Variants in CSMD1 observed in about 807,000 individuals in gnomAD.
The protein encoded by CSMD1 is CUB and Sushi multiple domains 1.
CSMD1 carries 213 observed loss-of-function variants against 417.5 expected under a neutral mutation model. That is an observed-to-expected ratio of 0.51 (90% CI 0.46 to 0.57). The LOEUF (loss-of-function observed/expected upper bound fraction) is 0.57. Among genes scored for constraint, CSMD1 ranks in the 20% least tolerant of loss-of-function variants. CSMD1 has a pLI of 0.00. For missense variants in CSMD1, 6,923 were observed against 4,529.7 expected, an observed-to-expected ratio of 1.53 and a Z score of -15.17; for synonymous variants, 2,862 against 1,736.8, an observed-to-expected ratio of 1.65 and a Z score of -16.11.
At chr8:3,967,667 G>C (rs1468762048) in intron 5 of CSMD1, among the ~76,000 whole-genome samples, 6 of 152,026 alleles carry the variant, frequency 3.9e-5, no homozygotes, top group Non-Finnish European at 8.8e-5. Context: ...AATTGTCCTT[G>C]TCAATACGTG....
At chr8:4,074,530 A>T (rs924247886) in intron 3 of CSMD1, among the ~76,000 whole-genome samples, 1 of 152,162 alleles carries the variant, frequency 6.6e-6, no homozygotes, top group Non-Finnish European at 1.5e-5. Context: ...ATTTGAGAAC[A>T]TGAGCTACCA....
intron 3 of CSMD1, among the ~76,000 whole-genome samples, chr8:4,376,467 T>A (rs1438990719): frequency 3.3e-5 from 5 of 152,204 alleles, no homozygotes; most frequent in African/African-American, 1.2e-4. Flanking sequence ...GAAACATCAT[T>A]TAGAAAGAAA....
At chr8:4,798,938 T>C (rs540561543) in intron 1 of CSMD1, among the ~76,000 whole-genome samples, 1 of 152,334 alleles carries the variant, frequency 6.6e-6, no homozygotes, top group Non-Finnish European at 1.5e-5. Context: ...TCGGCCATTC[T>C]TGATCTGCCC....
intron 7 of CSMD1, among the ~76,000 whole-genome samples, chr8:3,671,538 TATATATGATCATATATATGATC>T (rs1563256983): frequency 0.19 from 1,938 of 10,246 alleles, 355 homozygotes; most frequent in Admixed American, 0.24. Flanking sequence ...CATATATATA[TATATATGATCATATATATGATC>T]ATATATATAT....
chr8:3,089,400 C>T (rs1047639579), intron 48 of CSMD1, among the ~76,000 whole-genome samples: 3 of 152,208 alleles, frequency 2.0e-5, no homozygotes, highest in Non-Finnish European at 4.4e-5. Context: ...GCACAGTTTA[C>T]GGAATTGTCC....
intron 3 of CSMD1, among the ~76,000 whole-genome samples, chr8:4,201,293 C>G (rs1799629392): frequency 6.6e-6 from 1 of 152,200 alleles, no homozygotes; most frequent in East Asian, 1.9e-4. Flanking sequence ...AATCCCAGCA[C>G]TTTGGGAGGC....
At chr8:4,251,679 G>T (rs568993309) in intron 3 of CSMD1, among the ~76,000 whole-genome samples, 51 of 152,114 alleles carry the variant, frequency 3.4e-4, no homozygotes, top group Non-Finnish European at 6.9e-4. Flanking sequence ...GGATTGGTGG[G>T]GAGCAAAGAC....
chr8:4,228,820 A>G (rs1172157436), intron 3 of CSMD1, among the ~76,000 whole-genome samples: 1 of 151,860 alleles, frequency 6.6e-6, no homozygotes, highest in Non-Finnish European at 1.5e-5. Flanking sequence ...AGTAGCTGGG[A>G]CTTCATGTGC....
chr8:4,079,460 G>C (rs570035286), intron 3 of CSMD1, among the ~76,000 whole-genome samples: 19 of 152,250 alleles, frequency 1.2e-4, no homozygotes, highest in African/African-American at 4.1e-4. Flanking sequence ...CCATTCTTCT[G>C]AGTTCTATCA....
intron 18 of CSMD1, among the ~76,000 whole-genome samples, chr8:3,377,824 T>C (rs1290043569): frequency 6.6e-6 from 1 of 152,206 alleles, no homozygotes; most frequent in Non-Finnish European, 1.5e-5. Context: ...AAAATCAAAC[T>C]GAACTGACTG....
chr8:3,231,853 T>C (rs1341357021), intron 26 of CSMD1, among the ~76,000 whole-genome samples: 3 of 152,192 alleles, frequency 2.0e-5, no homozygotes, highest in Non-Finnish European at 4.4e-5. Flanking sequence ...CAGTAAAAAT[T>C]AGACTAATAT....
At chr8:3,487,687 C>G (rs1176593671) in intron 11 of CSMD1, among the ~76,000 whole-genome samples, 2 of 152,242 alleles carry the variant, frequency 1.3e-5, no homozygotes, top group East Asian at 3.9e-4. Context: ...GAGGTGCCTA[C>G]AAACACATTG....
At chr8:3,919,342 T>C (rs2554631) in intron 5 of CSMD1, among the ~76,000 whole-genome samples, 87,486 of 151,888 alleles carry the variant, frequency 0.58, 25,624 homozygotes, top group East Asian at 0.76. Context: ...GCCAGTTTCA[T>C]TCCTCTGCAC....
intron 3 of CSMD1, among the ~76,000 whole-genome samples, chr8:4,055,301 T>C (rs1299703814): frequency 6.6e-6 from 1 of 152,156 alleles, no homozygotes; most frequent in African/African-American, 2.4e-5. Flanking sequence ...TCTAGAAAGA[T>C]TCCAATGTCT....
chr8:3,893,350 T>C (rs1480509856), intron 5 of CSMD1, among the ~76,000 whole-genome samples: 1 of 132,726 alleles, frequency 7.5e-6, no homozygotes, highest in Non-Finnish European at 1.7e-5. Flanking sequence ...TATATATATA[T>C]ATATATATAT....
At chr8:3,498,703 T>C (rs1796468625) in intron 10 of CSMD1, among the ~76,000 whole-genome samples, 1 of 152,208 alleles carries the variant, frequency 6.6e-6, no homozygotes, top group Non-Finnish European at 1.5e-5. Context: ...TTATTCTTTT[T>C]TGTCTGACTG....
chr8:3,446,220 C>A (rs1815298471), intron 12 of CSMD1, among the ~76,000 whole-genome samples: 1 of 152,190 alleles, frequency 6.6e-6, no homozygotes. Context: ...CTTTCTGAAG[C>A]ACTCCTAGTC....
chr8:4,221,790 G>T (rs191376939), intron 3 of CSMD1, among the ~76,000 whole-genome samples: 1 of 152,236 alleles, frequency 6.6e-6, no homozygotes, highest in Admixed American at 6.5e-5. Context: ...CATTCTGAAA[G>T]GTGGACCTCC....
chr8:4,710,538 G>A (rs1466061351), intron 1 of CSMD1, among the ~76,000 whole-genome samples: 2 of 149,876 alleles, frequency 1.3e-5, no homozygotes, highest in African/African-American at 2.4e-5. Flanking sequence ...AGATGGTGGG[G>A]GTGGTTATTT....
Sources: gnomAD v4.1 joint callset for allele counts (sites outside exome capture counted in the v4.1 genomes callset) on GRCh38, gnomAD v4.1.1 for gene constraint, MANE v1.5 for transcripts, NCBI Gene and HGNC (gene_info 2026-07-23, HGNC 2026-07-21) for gene names.